PCMTD2: variants seen among roughly 807,000 people sequenced by gnomAD.
PCMTD2 encodes the protein protein-L-isoaspartate (D-aspartate) O-methyltransferase domain containing 2, also known as protein-L-isoaspartate O-methyltransferase domain-containing protein 2.
PCMTD2 carries 16 observed loss-of-function variants against 33.4 expected under a neutral mutation model. The ratio of observed to expected loss-of-function variants is 0.48; its 90% CI spans 0.32 to 0.73. PCMTD2 has a LOEUF of 0.73. Among genes scored for constraint, PCMTD2 ranks in the 30% least tolerant of loss-of-function variants. The pLI is 0.03. For missense variants in PCMTD2, 374 were observed against 449.9 expected (o/e 0.83, Z 1.53); for synonymous variants, 161 against 160.8 (o/e 1.00, Z -0.01).
At chr20:64,261,424 A>G (rs928704706) in intron 2 of PCMTD2, among the ~76,000 whole-genome samples, 7 of 152,168 alleles carry the variant, frequency 4.6e-5, no homozygotes, top group African/African-American at 1.7e-4. Context: ...AACGTCAGGA[A>G]TGTGGCTTGG....
rs759764112 is a variant in PCMTD2 at position 64,260,046 on chromosome 20, G to C, written c.81G>C (p.Glu27Asp). The change falls in exon 2 of 6, where the codon GAG (glutamate) becomes GAC (aspartate). Residue 27 changes from glutamate to aspartate, a missense_variant. Physicochemically the swap from Glu to Asp is conservative, Grantham distance 45 (BLOSUM62 2). Coordinates refer to ENST00000308824, the MANE Select transcript of PCMTD2 (RefSeq NM_018257.3). ...AAGAAGCACAGTATATCCGGACTGAGCTGGTAGAGCAGGCTTTCAGAGCTA... is the reference window on the plus strand; with the variant it reads ...AAGAAGCACAGTATATCCGGACTGACCTGGTAGAGCAGGCTTTCAGAGCTA... ...NLKEAQYIRT[E>D]LVEQAFRAID... 1.9e-6 allele frequency: 3 copies of C among 1,611,600 alleles called. No individual in the cohort carries two copies. The highest frequency in any genetic ancestry group is 4.5e-5 in the East Asian group (2 of 44,866).
chr20:64,260,024 A>C lies in PCMTD2; in HGVS notation c.59A>C (p.Glu20Ala). 1 of 1,612,484 alleles carries C rather than the reference A, an allele frequency of 6.2e-7. No individual in the cohort carries two copies. The highest frequency in any genetic ancestry group is 8.5e-7 in the Non-Finnish European group (1 of 1,178,460). Residue 20 changes from glutamate to alanine, a missense_variant, in exon 2 of 6, where the codon GAA (glutamate) becomes GCA (alanine). Coordinates refer to ENST00000308824, the MANE Select transcript of PCMTD2 (RefSeq NM_018257.3). ...GATGAGCTGATAGATAATTTGAAAGAAGCACAGTATATCCGGACTGAGCTG... is the reference window on the plus strand; with the variant it reads ...GATGAGCTGATAGATAATTTGAAAGCAGCACAGTATATCCGGACTGAGCTG... ...DNDELIDNLK[E>A]AQYIRTELVE...
intron 1 of PCMTD2, 125 bp downstream of exon 1, chr20:64,255,995 G>A (rs1443334763): frequency 6.6e-6 from 1 of 152,000 alleles, no homozygotes; most frequent in East Asian, 1.9e-4. Context: ...CTCTCCTCTG[G>A]GGGCGTCGCT....
chr20:64,272,665 C>G (rs954684000), intron 5 of PCMTD2, among the ~76,000 whole-genome samples: 7 of 152,130 alleles, frequency 4.6e-5, no homozygotes, highest in African/African-American at 1.7e-4. Flanking sequence ...ACTAAAAATA[C>G]AAAAATTAGC....
At chr20:64,269,655 G>A (rs1985803535) in intron 5 of PCMTD2, among the ~76,000 whole-genome samples, 1 of 151,734 alleles carries the variant, frequency 6.6e-6, no homozygotes, top group Non-Finnish European at 1.5e-5. Context: ...CGTGGTGTGG[G>A]GTGTGTAAGT....
intron 1 of PCMTD2, among the ~76,000 whole-genome samples, chr20:64,256,244 C>G (rs1419493561): frequency 1.3e-5 from 2 of 152,226 alleles, no homozygotes; most frequent in Non-Finnish European, 2.9e-5. Context: ...TGGACCCTTT[C>G]AGAAGATGAC....
chr20:64,260,371 G>T, intron 2 of PCMTD2, 99 bp downstream of exon 2: 1 of 782,698 alleles, frequency 1.3e-6, no homozygotes, highest in South Asian at 1.6e-5. Context: ...CCTGGGTCGA[G>T]ACCGCAGCCT....
intron 5 of PCMTD2, among the ~76,000 whole-genome samples, chr20:64,268,845 G>A (rs1287029794): frequency 6.6e-6 from 1 of 152,116 alleles, no homozygotes; most frequent in East Asian, 1.9e-4. Context: ...TCTCTACTAA[G>A]TACAGGTTCT....
At position 64,273,511 on chromosome 20, in the gene PCMTD2, C is replaced by A; in HGVS notation, c.997C>A (p.Pro333Thr). 6.3e-7 allele frequency: 1 copy of A among 1,598,356 alleles called. No individual in the cohort carries two copies. The highest frequency in any genetic ancestry group is 8.5e-7 in the Non-Finnish European group (1 of 1,174,496). The change falls in exon 6 of 6, where the codon CCC becomes ACC. Residue 333 changes from proline to threonine, a missense_variant. Pro to Thr is a conservative substitution (Grantham distance 38). Coordinates refer to ENST00000308824, the MANE Select transcript of PCMTD2 (RefSeq NM_018257.3). Reference sequence around the variant, plus strand: ...GACCCCGCCGGAAACAAAGCCAGACCCCCCAGTGAACTTCCTACGCCAGAA... The same window carrying A: ...GACCCCGCCGGAAACAAAGCCAGACACCCCAGTGAACTTCCTACGCCAGAA... Reference protein sequence around the residue: ...EKTPPETKPDPPVNFLRQKVL... With the variant: ...EKTPPETKPDTPVNFLRQKVL...
chr20:64,266,189 A>C (rs894137908), intron 4 of PCMTD2, among the ~76,000 whole-genome samples: 18 of 152,136 alleles, frequency 1.2e-4, no homozygotes, highest in African/African-American at 3.9e-4. Context: ...CCGCCTCAGC[A>C]TCCCAAGTAG....
intron 3 of PCMTD2, among the ~76,000 whole-genome samples, 190 bp from the exon 4 acceptor site, chr20:64,265,068 G>A (rs963620929): frequency 2.0e-5 from 3 of 152,196 alleles, no homozygotes; most frequent in Non-Finnish European, 4.4e-5. Context: ...TATTTCTAGA[G>A]TTCTAGTTAT....
chr20:64,266,857 A>G (rs1357404151), intron 4 of PCMTD2, among the ~76,000 whole-genome samples: 1 of 152,112 alleles, frequency 6.6e-6, no homozygotes, highest in Admixed American at 6.6e-5. Context: ...ATATAGTTTT[A>G]TTTAAGGTTT....
At chr20:64,258,016 A>T (rs903127797) in intron 1 of PCMTD2, among the ~76,000 whole-genome samples, 1 of 152,152 alleles carries the variant, frequency 6.6e-6, no homozygotes, top group Admixed American at 6.5e-5. Context: ...AAAATAAGTG[A>T]TAGTTACTTA....
chr20:64,266,294 G>T (rs1457760450), intron 4 of PCMTD2, among the ~76,000 whole-genome samples: 5 of 152,016 alleles, frequency 3.3e-5, no homozygotes, highest in African/African-American at 1.2e-4. Context: ...GTCTCGCTCT[G>T]TCGCCCAGGC....
intron 1 of PCMTD2, among the ~76,000 whole-genome samples, chr20:64,259,100 A>C (rs747625535): frequency 6.6e-6 from 1 of 152,244 alleles, no homozygotes; most frequent in Non-Finnish European, 1.5e-5. Flanking sequence ...GCTGCGTATC[A>C]TGCAATTGAG....
intron 5 of PCMTD2, chr20:64,272,291 A>G (rs1180066728): frequency 5.9e-6 from 2 of 338,112 alleles, no homozygotes; most frequent in African/African-American, 5.0e-5. Context: ...TATTATTTGG[A>G]GAAGTTGAGT....
chr20:64,270,394 C>T (rs564479273), intron 5 of PCMTD2, among the ~76,000 whole-genome samples: 3 of 144,074 alleles, frequency 2.1e-5, no homozygotes, highest in African/African-American at 5.2e-5. Context: ...CGTGTGAATG[C>T]GGGCCTGCAC....
At position 64,275,300 on chromosome 20, in the gene PCMTD2, T is replaced by C. The variant is rs895855999; in HGVS notation, c.*1700T>C. 3 of 152,216 alleles carry C rather than the reference T, an allele frequency of 2.0e-5. No individual in the cohort carries two copies. The highest frequency in any genetic ancestry group is 7.2e-5 in the African/African-American group (3 of 41,460). 9.4% of individuals were successfully genotyped at this position (152,216 alleles called of 1,614,324 possible). A position where few individuals can be genotyped will look rare whatever the true frequency, so the allele number is the denominator to read the frequency against. On this transcript the variant is annotated 3_prime_UTR_variant, in exon 6 of 6. Coordinates refer to ENST00000308824, the MANE Select transcript of PCMTD2 (RefSeq NM_018257.3). The stretch of plus-strand genomic sequence containing the variant: ...GTAGTTTGGAGATCCTTGTGGGCAT[T>C]ATTCTAACTGATACGTAGACACTTA...
chr20:64,269,183 G>T (rs2145764669), intron 5 of PCMTD2, among the ~76,000 whole-genome samples: 1 of 152,324 alleles, frequency 6.6e-6, no homozygotes, highest in Middle Eastern at 3.4e-3. Flanking sequence ...GATAAGCCTG[G>T]TTGTCGTCGG....
Sources: gnomAD v4.1 joint callset for allele counts (sites outside exome capture counted in the v4.1 genomes callset) on GRCh38, gnomAD v4.1.1 for gene constraint, MANE v1.5 for transcripts, NCBI Gene and HGNC (gene_info 2026-07-23, HGNC 2026-07-21) for gene names.